CCDC186: variants seen among roughly 807,000 people sequenced by gnomAD.
CCDC186 encodes the protein coiled-coil domain-containing protein 186.
Under a neutral mutation model 113.7 loss-of-function variants are expected in CCDC186, and 49 were observed. The observed-to-expected ratio is 0.43, with a 90% confidence interval of 0.34 to 0.55. The LOEUF is 0.55. CCDC186 is among the 20% of genes least tolerant of loss of function. CCDC186 has a pLI of 0.02. For missense variants in CCDC186, 890 were observed against 1,011.1 expected, an observed-to-expected ratio of 0.88 and a Z score of 1.62; for synonymous variants, 355 against 345.8, an observed-to-expected ratio of 1.03 and a Z score of -0.30.
chr10:114,141,619 T>C (rs1270735773), intron 6 of CCDC186, among the ~76,000 whole-genome samples: 1 of 151,898 alleles, frequency 6.6e-6, no homozygotes, highest in East Asian at 1.9e-4. Flanking sequence ...CTCTGTAGTT[T>C]CCTCTCTTAA....
At chr10:114,173,323 C>A in intron 1 of CCDC186, 2 of 422,694 alleles carry the variant, frequency 4.7e-6, no homozygotes, top group Non-Finnish European at 9.6e-6. Flanking sequence ...AACAGCTAAG[C>A]AATACTCACA....
chr10:114,154,590 T>G (rs1355128022), intron 3 of CCDC186, among the ~76,000 whole-genome samples: 1 of 151,990 alleles, frequency 6.6e-6, no homozygotes, highest in Non-Finnish European at 1.5e-5. Context: ...AAAGAAAAAT[T>G]CAGTCCCAGG....
chr10:114,133,808 T>C (rs533889688), intron 10 of CCDC186, among the ~76,000 whole-genome samples: 99 of 152,128 alleles, frequency 6.5e-4, no homozygotes, highest in African/African-American at 2.3e-3. Flanking sequence ...GTACAGAACA[T>C]AGGAAGTGAG....
chr10:114,136,289 A>G (rs1429293909), intron 7 of CCDC186, 43 bp from the exon 8 acceptor site: 3 of 1,446,480 alleles, frequency 2.1e-6, no homozygotes, highest in Non-Finnish European at 2.9e-6. Context: ...TTTTTAACCC[A>G]TTTCCCGTTT....
At chr10:114,172,427 T>C (rs1272965407) in intron 1 of CCDC186, among the ~76,000 whole-genome samples, 1 of 152,248 alleles carries the variant, frequency 6.6e-6, no homozygotes, top group African/African-American at 2.4e-5. Flanking sequence ...AGGACAACTC[T>C]ACTTTATGGG....
rs746010642 is a variant in CCDC186, at chr10:114,122,968, G to A, written c.*2175C>T. The A allele has an allele frequency of 7.9e-5, 12 of 152,066 alleles. No individual in the cohort carries two copies. The highest frequency in any genetic ancestry group is 1.2e-4 in the Non-Finnish European group (8 of 68,000). The allele number at this position is 152,066 out of a possible 1,614,324, so 9.4% of individuals were successfully genotyped here. On this transcript the variant is annotated 3_prime_UTR_variant, in exon 16 of 16. Coordinates refer to ENST00000369287, the MANE Select transcript of CCDC186 (RefSeq NM_018017.4). ...TATTAATACTGGAGTGTGCATTTTT[G>A]TCTAAAATGTATATACATTTTAAAG...
intron 13 of CCDC186, 97 bp downstream of exon 13, chr10:114,129,794 T>C (rs2031028812): frequency 1.9e-6 from 2 of 1,031,550 alleles, no homozygotes; most frequent in Non-Finnish European, 2.9e-6. Flanking sequence ...CCTCCCAAAG[T>C]GCTGGGATTA....
intron 2 of CCDC186, among the ~76,000 whole-genome samples, chr10:114,158,727 A>T (rs1480639042): frequency 6.6e-6 from 1 of 152,164 alleles, no homozygotes; most frequent in Non-Finnish European, 1.5e-5. Context: ...TATTAACAGC[A>T]AAACAAAACT....
intron 6 of CCDC186, among the ~76,000 whole-genome samples, chr10:114,137,979 G>A (rs2031322885): frequency 6.8e-6 from 1 of 146,812 alleles, no homozygotes; most frequent in African/African-American, 2.5e-5. Context: ...GGAGGTTGCG[G>A]TGAGCCGAAA....
intron 1 of CCDC186, among the ~76,000 whole-genome samples, chr10:114,170,029 A>G (rs192143642): frequency 0.012 from 1,868 of 152,256 alleles, 43 homozygotes; most frequent in African/African-American, 0.042. Context: ...TCCCAAGTAG[A>G]TAAGACTACA....
intron 13 of CCDC186, among the ~76,000 whole-genome samples, chr10:114,128,917 T>G (rs947699108): frequency 5.9e-5 from 9 of 152,188 alleles, no homozygotes; most frequent in African/African-American, 2.2e-4. Context: ...GAGACCACTG[T>G]ACACCAAATC....
At chr10:114,142,567 G>A (rs890480696) in intron 6 of CCDC186, among the ~76,000 whole-genome samples, 1 of 152,216 alleles carries the variant, frequency 6.6e-6, no homozygotes, top group East Asian at 1.9e-4. Flanking sequence ...TGTTTTTACA[G>A]GCTAGGTGTT....
chr10:114,121,815 T>C lies in CCDC186; in HGVS notation c.*3328A>G, dbSNP rs2030733355. ...GTCTCCTAGCTATTTTCTTTCCTCT[T>C]TTTTTTTTGAGACAGGGTTTCACTC... On this transcript the variant is annotated 3_prime_UTR_variant, in exon 16 of 16. Transcript: ENST00000369287. The C allele has an allele frequency of 6.6e-6, 1 of 150,834 alleles. No individual in the cohort carries two copies. Among genetic ancestry groups the C allele is most frequent in the African/African-American group, 2.4e-5 (1 of 41,032 alleles). The allele number at this position is 150,834 out of a possible 1,614,324, so 9.3% of individuals were successfully genotyped here.
chr10:114,129,581 G>T (rs2031021779), intron 13 of CCDC186, among the ~76,000 whole-genome samples: 1 of 152,072 alleles, frequency 6.6e-6, no homozygotes, highest in South Asian at 2.1e-4. Context: ...CTGTTGCCCA[G>T]GCTGGAGTGC....
chr10:114,160,682 A>G (rs2032145780), intron 2 of CCDC186, among the ~76,000 whole-genome samples: 1 of 152,356 alleles, frequency 6.6e-6, no homozygotes, highest in East Asian at 1.9e-4. Context: ...AGCTGGGGGA[A>G]AAATGAGGGA....
At position 114,137,271 on chromosome 10, in the gene CCDC186, T is replaced by G; in HGVS notation, c.1241A>C (p.Lys414Thr). The part of the protein sequence containing the change: ...DSHKETKDKL[K>T]ETTTKLTQAK... ...TTGTGTTAATTTTGTTGTTGTTTCT[T>G]TGAGTTTATCTTTGGTTTCCTGCAT... Residue 414 changes from lysine to threonine, a missense_variant, in exon 7 of 16, where the codon AAA (lysine) becomes ACA (threonine). Transcript: ENST00000369287. 1 of 1,613,574 alleles carries G rather than the reference T, an allele frequency of 6.2e-7. No homozygotes were observed. The highest frequency in any genetic ancestry group is 8.5e-7 in the Non-Finnish European group (1 of 1,179,902).
intron 14 of CCDC186, among the ~76,000 whole-genome samples, chr10:114,126,614 C>T (rs1426707494): frequency 6.6e-6 from 1 of 152,174 alleles, no homozygotes; most frequent in Non-Finnish European, 1.5e-5. Flanking sequence ...TCCGGCCTCC[C>T]AAAGTGCTGG....
intron 14 of CCDC186, among the ~76,000 whole-genome samples, chr10:114,126,636 T>C (rs2030912479): frequency 6.6e-6 from 1 of 152,218 alleles, no homozygotes; most frequent in South Asian, 2.1e-4. Context: ...ATTACAGGTG[T>C]GAGACACCAT....
Position 114,151,200 on chromosome 10 carries a change from T to C in CCDC186, c.780A>G (p.Glu260=). ...TIKQLESRIE[E]LNKEVKASRD... is the part of the protein sequence containing the mutation. ...TGGAAGCTTTAACTTCTTTATTAAGTTCTTCTATTCTTGATTCTAACTGTA... is the reference window on the plus strand; with the variant it reads ...TGGAAGCTTTAACTTCTTTATTAAGCTCTTCTATTCTTGATTCTAACTGTA... The change falls in exon 4 of 16, where the codon GAA becomes GAG. Residue 260 remains glutamate, a synonymous_variant. Transcript: ENST00000369287. 6.4e-7 allele frequency: 1 copy of C among 1,573,572 alleles called. No individual in the cohort carries two copies. The highest frequency in any genetic ancestry group is 1.1e-5 in the South Asian group (1 of 89,220).
Sources: gnomAD v4.1 joint callset for allele counts (sites outside exome capture counted in the v4.1 genomes callset) on GRCh38, gnomAD v4.1.1 for gene constraint, MANE v1.5 for transcripts, NCBI Gene and HGNC (gene_info 2026-07-23, HGNC 2026-07-21) for gene names.